Variants in HMGCLL1 observed in about 807,000 individuals in gnomAD.
The protein encoded by HMGCLL1 is 3-hydroxymethyl-3-methylglutaryl-CoA lyase, cytoplasmic.
In HMGCLL1, 36 loss-of-function variants were observed where a neutral mutation model predicts 39.1. That is an observed-to-expected ratio of 0.92 (90% confidence interval 0.71 to 1.22). HMGCLL1 has a LOEUF of 1.22. Ranked by LOEUF, HMGCLL1 falls within the 50% of genes most tolerant of loss-of-function variation. The pLI is 0.00. For synonymous variants in HMGCLL1, 149 were observed against 144.0 expected (o/e 1.03, Z -0.25); for missense variants, 451 against 416.5 (o/e 1.08, Z -0.72).
chr6:55,636,422 C>G, the HMGCLL1 span, among the ~76,000 whole-genome samples: 1 of 152,122 alleles, frequency 6.6e-6, no homozygotes, highest in Admixed American at 6.6e-5. Context: ...TCTAAGTTTC[C>G]TGGCTATACC....
At chr6:55,604,345 C>G in the HMGCLL1 span, among the ~76,000 whole-genome samples, 1 of 152,006 alleles carries the variant, frequency 6.6e-6, no homozygotes, top group African/African-American at 2.4e-5. Context: ...ACAAAACAAA[C>G]CTTTTGCCAA....
the HMGCLL1 span, among the ~76,000 whole-genome samples, chr6:55,662,301 C>A: frequency 4.0e-5 from 6 of 151,760 alleles, no homozygotes; most frequent in Non-Finnish European, 8.8e-5. Context: ...TTTGCCCATT[C>A]AGTTTGATAT....
At chr6:55,461,590 C>T (rs186141502) in intron 7 of HMGCLL1, among the ~76,000 whole-genome samples, 7 of 151,978 alleles carry the variant, frequency 4.6e-5, no homozygotes, top group South Asian at 2.1e-4. Context: ...GTAAATGTAC[C>T]GGCTATAAAC....
At chr6:55,610,068 G>C in the HMGCLL1 span, among the ~76,000 whole-genome samples, 2 of 152,140 alleles carry the variant, frequency 1.3e-5, no homozygotes, top group South Asian at 2.1e-4. Context: ...AACTCATGAA[G>C]ATGAGAAATA....
chr6:55,536,070 A>G (rs1180188359), intron 3 of HMGCLL1, among the ~76,000 whole-genome samples: 1 of 152,204 alleles, frequency 6.6e-6, no homozygotes, highest in Non-Finnish European at 1.5e-5. Flanking sequence ...CTTCAGTGCC[A>G]ATAAAGAGCT....
At chr6:55,623,068 C>T in the HMGCLL1 span, among the ~76,000 whole-genome samples, 54 of 152,042 alleles carry the variant, frequency 3.6e-4, no homozygotes, top group South Asian at 1.0e-2. Context: ...ATAATAGTCT[C>T]AATGATTCTT....
At chr6:55,604,801 G>T in the HMGCLL1 span, among the ~76,000 whole-genome samples, 1 of 152,126 alleles carries the variant, frequency 6.6e-6, no homozygotes, top group South Asian at 2.1e-4. Context: ...AGTTATGTTA[G>T]TACTTCATAA....
chr6:55,584,648 A>G, the HMGCLL1 span, among the ~76,000 whole-genome samples: 1 of 152,078 alleles, frequency 6.6e-6, no homozygotes, highest in Admixed American at 6.6e-5. Flanking sequence ...GGTGAGAAGG[A>G]TCTAATTAAA....
At chr6:55,565,353 G>C (rs1177280177) in intron 1 of HMGCLL1, among the ~76,000 whole-genome samples, 1 of 151,984 alleles carries the variant, frequency 6.6e-6, no homozygotes, top group South Asian at 2.1e-4. Context: ...AAATTATTTT[G>C]CTACTTGGTA....
Position 55,485,908 on chromosome 6 carries a change from C to A in HMGCLL1, c.795+9511G>T, listed in dbSNP as rs938605945. 3.7e-4 allele frequency among the ~76,000 whole-genome samples: 56 copies of A among 151,652 alleles called. 1 individual carries two copies. Among genetic ancestry groups the A allele is most frequent in the African/African-American group, 1.3e-3 (55 of 41,430 alleles). ...AATATATCAAAAAACCCCTAATGAT[C>A]TGATATTTTCCCTGAAAATCCATTC... On this transcript the variant is annotated intron_variant, in intron 7 of 8. Transcript: ENST00000274901.
the HMGCLL1 span, among the ~76,000 whole-genome samples, chr6:55,589,925 A>G: frequency 2.0e-5 from 3 of 152,318 alleles, no homozygotes; most frequent in East Asian, 5.8e-4. Context: ...ATGGAAGAAC[A>G]TTCCATGCTC....
At chr6:55,542,668 A>C (rs1055659976) in intron 1 of HMGCLL1, among the ~76,000 whole-genome samples, 1 of 151,214 alleles carries the variant, frequency 6.6e-6, no homozygotes, top group African/African-American at 2.4e-5. Context: ...AATCCCAGCT[A>C]TTTGGGAGGC....
chr6:55,579,184 C>A lies in HMGCLL1; in HGVS notation c.-129G>T. On this transcript the variant is annotated 5_prime_UTR_variant, in exon 1 of 9. Coordinates refer to ENST00000274901, the MANE Select transcript of HMGCLL1 (RefSeq NM_001042406.2). The stretch of plus-strand genomic sequence containing the variant: ...GGTGCACTGGCTGTGAGGACCAGAG[C>A]TGTTCTGCGCACTGCGGCGGCGCCG... 1 of 704,714 alleles carries A rather than the reference C, an allele frequency of 1.4e-6. No homozygotes were observed. 43.7% of individuals were successfully genotyped at this position (704,714 alleles called of 1,614,324 possible). A position where few individuals can be genotyped will look rare whatever the true frequency, so the allele number is the denominator to read the frequency against.
the HMGCLL1 span, among the ~76,000 whole-genome samples, chr6:55,668,721 G>A: frequency 6.6e-6 from 1 of 151,846 alleles, no homozygotes; most frequent in Non-Finnish European, 1.5e-5. Context: ...AGAGAAGCCT[G>A]GCTCAGGGAA....
intron 5 of HMGCLL1, among the ~76,000 whole-genome samples, chr6:55,505,846 T>C (rs1316327018): frequency 1.3e-5 from 2 of 151,708 alleles, no homozygotes; most frequent in Non-Finnish European, 3.0e-5. Context: ...TTTAGGGTTT[T>C]CTTTTAAAGA....
At chr6:55,643,961 G>C in the HMGCLL1 span, among the ~76,000 whole-genome samples, 1 of 151,980 alleles carries the variant, frequency 6.6e-6, no homozygotes, top group Non-Finnish European at 1.5e-5. Flanking sequence ...TTTATTTTTA[G>C]TTTTTTGAGG....
the HMGCLL1 span, among the ~76,000 whole-genome samples, chr6:55,650,122 TA>T: frequency 5.5e-4 from 43 of 78,636 alleles, no homozygotes; most frequent in East Asian, 1.9e-3. Flanking sequence ...TATATATATA[TA>T]TATATATATA....
At chr6:55,568,730 G>A (rs1478367361) in intron 1 of HMGCLL1, among the ~76,000 whole-genome samples, 1 of 152,064 alleles carries the variant, frequency 6.6e-6, no homozygotes, top group Non-Finnish European at 1.5e-5. Context: ...CTATAAAAAT[G>A]ATAGCCTCCA....
intron 1 of HMGCLL1, among the ~76,000 whole-genome samples, chr6:55,568,840 G>C (rs1340197473): frequency 7.5e-5 from 11 of 147,644 alleles, no homozygotes; most frequent in Admixed American, 1.4e-4. Flanking sequence ...GGTTGATTAG[G>C]GGAAGTAAAA....
Sources: gnomAD v4.1 joint callset for allele counts (sites outside exome capture counted in the v4.1 genomes callset) on GRCh38, gnomAD v4.1.1 for gene constraint, MANE v1.5 for transcripts, NCBI Gene and HGNC (gene_info 2026-07-23, HGNC 2026-07-21) for gene names.